The following TFEC variants were observed in gnomAD, a reference collection of about 807,000 sequenced individuals.
TFEC encodes class E basic helix-loop-helix protein 34.
In TFEC, 31 loss-of-function variants were observed where a neutral mutation model predicts 41.6. That is an observed-to-expected ratio of 0.74 (90% CI 0.56 to 1.01). The LOEUF (loss-of-function observed/expected upper bound fraction) is 1.01. Ranked by LOEUF, TFEC falls within the 50% of genes least tolerant of loss-of-function variation. The pLI is 0.00. For synonymous variants in TFEC, 143 were observed against 140.6 expected (o/e 1.02, Z -0.12); for missense variants, 402 against 404.1 (o/e 0.99, Z 0.04).
Position 116,115,787 on chromosome 7 carries a change from T to C in TFEC, c.-68-3749A>G, listed in dbSNP as rs530978824. Among the ~76,000 whole-genome samples the C allele has an allele frequency of 1.1e-4, 16 of 152,124 alleles. No homozygotes were observed. In the South Asian group the frequency reaches 3.3e-3, roughly 32 times the overall value. On this transcript the variant is annotated intron_variant, in intron 1 of 8. Coordinates refer to the TFEC transcript ENST00000484212. ...AACATTATAGGGAGAGAATATAGTA[T>C]AGAGTGAAAGCATAAACCAGCTTGC...
intron 3 of TFEC, among the ~76,000 whole-genome samples, chr7:115,971,325 GT>G (rs1172404463): frequency 6.6e-6 from 1 of 151,536 alleles, no homozygotes; most frequent in Non-Finnish European, 1.5e-5. Context: ...GGATGCATTT[GT>G]TTTTGAGAAT....
chr7:115,975,479 G>A lies in TFEC; in HGVS notation c.181-1223C>T, dbSNP rs139955608. 4.0e-3 allele frequency among the ~76,000 whole-genome samples: 607 copies of A among 152,046 alleles called. 3 individuals carry two copies. Among genetic ancestry groups the A allele is most frequent in the African/African-American group, 0.013 (548 of 41,480 alleles). On this transcript the variant is annotated intron_variant, in intron 2 of 7. Transcript: ENST00000265440. ...AGGAACTTAAGAGAATTGAGTGTTC[G>A]GAGAATTCTACTAAGATACTCCAAA...
intron 1 of TFEC, among the ~76,000 whole-genome samples, chr7:116,023,322 G>A (rs1467407208): frequency 6.6e-6 from 1 of 152,086 alleles, no homozygotes; most frequent in African/African-American, 2.4e-5. Flanking sequence ...GTACTTAGAG[G>A]TATACAAGAA....
chr7:115,989,970 C>T (rs549032535), intron 1 of TFEC, among the ~76,000 whole-genome samples: 1 of 152,176 alleles, frequency 6.6e-6, no homozygotes, highest in Non-Finnish European at 1.5e-5. Context: ...CTGGCAGGTA[C>T]CTCCTAGTAG....
At chr7:115,981,635 G>C (rs1443770601) in intron 2 of TFEC, among the ~76,000 whole-genome samples, 1 of 152,174 alleles carries the variant, frequency 6.6e-6, no homozygotes, top group Non-Finnish European at 1.5e-5. Context: ...TTAAAATGTA[G>C]CATGTGCTGT....
intron 3 of TFEC, among the ~76,000 whole-genome samples, chr7:116,071,196 G>T (rs1562959057): frequency 6.6e-6 from 1 of 151,038 alleles, no homozygotes; most frequent in African/African-American, 2.4e-5. Context: ...TAAATGAAAA[G>T]AAAAATATTC....
At chr7:115,989,276 G>A (rs1441500121) in intron 1 of TFEC, among the ~76,000 whole-genome samples, 1 of 152,182 alleles carries the variant, frequency 6.6e-6, no homozygotes, top group African/African-American at 2.4e-5. Context: ...AATCATGGGA[G>A]GAGGTTCCAA....
rs535321185 is a variant in TFEC at position 116,154,452 on chromosome 7, G to A, written c.-69+5338C>T. Among the ~76,000 whole-genome samples, 34 of 152,194 alleles carry A rather than the reference G, an allele frequency of 2.2e-4. No homozygotes were observed. In the East Asian group the frequency reaches 6.2e-3, roughly 28 times the overall value. On this transcript the variant is annotated intron_variant, in intron 1 of 8. Coordinates refer to the TFEC transcript ENST00000484212. ...TTCAAGAGTTTCATAATTCTTGAAAGCATGGTAGGAATGATGGCATTCATT... is the reference window on the plus strand; with the variant it reads ...TTCAAGAGTTTCATAATTCTTGAAAACATGGTAGGAATGATGGCATTCATT...
chr7:116,115,808 C>T (rs1797975064), intron 1 of TFEC, among the ~76,000 whole-genome samples: 1 of 151,954 alleles, frequency 6.6e-6, no homozygotes, highest in Non-Finnish European at 1.5e-5. Flanking sequence ...CATAAACCAG[C>T]TTGCTTGCTT....
chr7:116,137,270 G>C lies in TFEC; in HGVS notation c.-69+22520C>G, dbSNP rs751781054. 7.2e-5 allele frequency among the ~76,000 whole-genome samples: 11 copies of C among 152,192 alleles called. 1 individual carries two copies. The highest frequency in any genetic ancestry group is 1.2e-4 in the Non-Finnish European group (8 of 67,960). On this transcript the variant is annotated intron_variant, in intron 1 of 8. Transcript: ENST00000484212. ...AAGCATCTGAGATATTCAATTCTAAGTTGTATTTATGTTTCTGTGTCTTTA... is the reference window on the plus strand; with the variant it reads ...AAGCATCTGAGATATTCAATTCTAACTTGTATTTATGTTTCTGTGTCTTTA...
At chr7:115,994,898 G>A (rs1411337433) in intron 1 of TFEC, among the ~76,000 whole-genome samples, 6 of 152,142 alleles carry the variant, frequency 3.9e-5, no homozygotes, top group Non-Finnish European at 8.8e-5. Flanking sequence ...ACATGCACAC[G>A]TATGTTTATT....
intron 2 of TFEC, among the ~76,000 whole-genome samples, chr7:115,979,637 C>G (rs1310516679): frequency 6.6e-6 from 1 of 152,044 alleles, no homozygotes; most frequent in Non-Finnish European, 1.5e-5. Flanking sequence ...AACCTCTTCT[C>G]CTGGTTGTCC....
chr7:115,967,678 G>A (rs1279460260), intron 3 of TFEC, among the ~76,000 whole-genome samples: 1 of 151,764 alleles, frequency 6.6e-6, no homozygotes, highest in Non-Finnish European at 1.5e-5. Flanking sequence ...TAAATATAAT[G>A]TGTTGAGCTG....
intron 2 of TFEC, among the ~76,000 whole-genome samples, chr7:115,980,160 C>T (rs1584629992): frequency 1.3e-5 from 2 of 152,098 alleles, no homozygotes; most frequent in East Asian, 1.9e-4. Flanking sequence ...CTAAATGTGG[C>T]CATGTGACAC....
At chr7:115,999,339 AG>A (rs1433222114) in intron 1 of TFEC, among the ~76,000 whole-genome samples, 1 of 152,058 alleles carries the variant, frequency 6.6e-6, no homozygotes, top group Non-Finnish European at 1.5e-5. Context: ...ATACAGTAAA[AG>A]CAGTACTAAG....
intron 1 of TFEC, among the ~76,000 whole-genome samples, chr7:116,023,168 G>T (rs950424166): frequency 6.6e-6 from 1 of 151,150 alleles, no homozygotes; most frequent in Non-Finnish European, 1.5e-5. Context: ...TGAAGTTATT[G>T]TAAGTAAATC....
intron 3 of TFEC, among the ~76,000 whole-genome samples, chr7:116,056,571 C>A (rs1796435886): frequency 1.3e-5 from 2 of 152,098 alleles, no homozygotes; most frequent in African/African-American, 4.8e-5. Context: ...TAATTCATGG[C>A]ATTGGATAGA....
intron 3 of TFEC, among the ~76,000 whole-genome samples, chr7:116,090,227 A>G (rs1434075774): frequency 6.6e-6 from 1 of 152,124 alleles, no homozygotes; most frequent in Non-Finnish European, 1.5e-5. Context: ...ACTTCACTTC[A>G]GCCTCTGGTT....
intron 3 of TFEC, among the ~76,000 whole-genome samples, chr7:116,054,063 A>T (rs901091606): frequency 6.6e-6 from 1 of 152,212 alleles, no homozygotes; most frequent in African/African-American, 2.4e-5. Context: ...GAAGGCAGGG[A>T]AATGCTTTTA....
Sources: allele counts gnomAD v4.1 joint callset (sites outside exome capture counted in the v4.1 genomes callset), GRCh38; gene constraint gnomAD v4.1.1; transcripts MANE v1.5; gene names NCBI Gene and HGNC (gene_info 2026-07-23, HGNC 2026-07-21).